Variants in CCSER1 observed in about 807,000 individuals in gnomAD.
CCSER1 encodes the protein coiled-coil serine rich protein 1.
A neutral mutation model predicts 82.0 loss-of-function variants in CCSER1; 41 were observed. The ratio of observed to expected loss-of-function variants is 0.50; its 90% CI spans 0.39 to 0.65. CCSER1 has a LOEUF of 0.65. Ranked by LOEUF, CCSER1 falls within the 30% of genes least tolerant of loss-of-function variation. CCSER1 has a pLI of 0.00. For synonymous variants in CCSER1, 414 were observed against 383.9 expected, an observed-to-expected ratio of 1.08 and a Z score of -0.92; for missense variants, 1,119 against 1,064.2, an observed-to-expected ratio of 1.05 and a Z score of -0.72.
At chr4:91,025,246 A>G (rs1711883658) in intron 9 of CCSER1, among the ~76,000 whole-genome samples, 1 of 152,186 alleles carries the variant, frequency 6.6e-6, no homozygotes, top group Admixed American at 6.5e-5. Flanking sequence ...AGATAGGATA[A>G]TAGTTTTAAA....
intron 5 of CCSER1, among the ~76,000 whole-genome samples, chr4:90,625,988 G>A (rs1348785903): frequency 1.3e-5 from 2 of 152,096 alleles, no homozygotes; most frequent in Non-Finnish European, 2.9e-5. Flanking sequence ...CAGTCCTCAT[G>A]GGTGTTTAGA....
Position 90,460,324 on chromosome 4 carries a change from C to CAAAAAAAAAAAAA in CCSER1, c.1604-7901_1604-7889dup, listed in dbSNP as rs751331396. 9.5e-4 allele frequency among the ~76,000 whole-genome samples: 31 copies of CAAAAAAAAAAAAA among 32,626 alleles called. 1 individual carries two copies. The highest frequency in any genetic ancestry group is 2.5e-3 in the African/African-American group (17 of 6,878). The allele number at this position is 32,626 out of a possible 152,430, so 21.4% of individuals were successfully genotyped here. The stretch of plus-strand genomic sequence containing the variant: ...TGGGCGACAGAGCGAAACTCCGTCT[C>CAAAAAAAAAAAAA]AAAAAAAAAAAAAAAAAAAAACTAA... On this transcript the variant is annotated intron_variant, in intron 4 of 10. Coordinates refer to ENST00000509176, the MANE Select transcript of CCSER1 (RefSeq NM_001145065.2).
intron 10 of CCSER1, among the ~76,000 whole-genome samples, chr4:91,471,969 C>CAAAAAAAAA (rs11313305): frequency 6.8e-5 from 6 of 88,036 alleles, no homozygotes; most frequent in South Asian, 4.0e-4. Context: ...CACTCCATCT[C>CAAAAAAAAA]AAAAAAAAAA....
chr4:90,607,065 A>G (rs1390777569), intron 5 of CCSER1, among the ~76,000 whole-genome samples: 1 of 152,182 alleles, frequency 6.6e-6, no homozygotes, highest in African/African-American at 2.4e-5. Flanking sequence ...GATTAATTCC[A>G]ATTTTGTGGG....
chr4:90,887,301 T>C (rs1722272163), intron 8 of CCSER1, among the ~76,000 whole-genome samples: 1 of 152,094 alleles, frequency 6.6e-6, no homozygotes, highest in Non-Finnish European at 1.5e-5. Flanking sequence ...GAGAGAAAGA[T>C]GCTGTATCTT....
intron 8 of CCSER1, among the ~76,000 whole-genome samples, chr4:90,880,871 T>C (rs1178020788): frequency 6.6e-6 from 1 of 152,048 alleles, no homozygotes; most frequent in Non-Finnish European, 1.5e-5. Flanking sequence ...GCCGTCATCC[T>C]GCCTGGCTTT....
intron 6 of CCSER1, among the ~76,000 whole-genome samples, chr4:90,633,739 C>T (rs983070903): frequency 6.6e-6 from 1 of 151,830 alleles, no homozygotes; most frequent in Non-Finnish European, 1.5e-5. Context: ...TTTGGCTGAG[C>T]TTACCGTTTT....
chr4:91,207,008 G>C (rs1016418750), intron 10 of CCSER1, among the ~76,000 whole-genome samples: 2 of 151,794 alleles, frequency 1.3e-5, no homozygotes, highest in African/African-American at 4.8e-5. Flanking sequence ...AGGAAAATTA[G>C]GTAACTGCAT....
At chr4:90,199,684 CCTT>C (rs1737283359) in intron 1 of CCSER1, among the ~76,000 whole-genome samples, 2 of 152,048 alleles carry the variant, frequency 1.3e-5, no homozygotes, top group Admixed American at 1.3e-4. Flanking sequence ...CTGGTATAAT[CCTT>C]CTTCAGAACC....
intron 10 of CCSER1, among the ~76,000 whole-genome samples, chr4:91,153,344 A>G (rs1232063607): frequency 2.6e-5 from 4 of 151,824 alleles, no homozygotes; most frequent in East Asian, 1.9e-4. Context: ...TTCTCATGCC[A>G]TGGTTTTCAG....
intron 5 of CCSER1, among the ~76,000 whole-genome samples, chr4:90,624,696 A>G (rs149508132): frequency 5.1e-4 from 78 of 152,354 alleles, no homozygotes; most frequent in African/African-American, 1.8e-3. Flanking sequence ...TATAACATTT[A>G]TGGGATTTGC....
intron 10 of CCSER1, among the ~76,000 whole-genome samples, chr4:91,225,170 G>GTA (rs1416470544): frequency 1.2e-5 from 1 of 86,948 alleles, no homozygotes; most frequent in Non-Finnish European, 2.2e-5. Context: ...ATATATGTGT[G>GTA]TGTGTATATA....
chr4:90,574,017 A>G (rs1780410065), intron 5 of CCSER1, among the ~76,000 whole-genome samples: 1 of 151,274 alleles, frequency 6.6e-6, no homozygotes, highest in Non-Finnish European at 1.5e-5. Context: ...AATGAAGGAT[A>G]TTGTTTTTTT....
At chr4:91,243,204 A>G (rs1739504828) in intron 10 of CCSER1, among the ~76,000 whole-genome samples, 1 of 152,190 alleles carries the variant, frequency 6.6e-6, no homozygotes, top group Admixed American at 6.5e-5. Context: ...ACCTGGAGGG[A>G]GCATTTCAAC....
intron 8 of CCSER1, among the ~76,000 whole-genome samples, chr4:90,921,094 C>A (rs2150241978): frequency 6.6e-6 from 1 of 151,862 alleles, no homozygotes; most frequent in South Asian, 2.1e-4. Flanking sequence ...GGTACATTTT[C>A]TGTTTAATTA....
intron 1 of CCSER1, among the ~76,000 whole-genome samples, chr4:90,182,337 T>A (rs1342290731): frequency 1.3e-5 from 2 of 152,148 alleles, no homozygotes; most frequent in African/African-American, 4.8e-5. Context: ...TATGTATGAT[T>A]ATGATGAATG....
intron 9 of CCSER1, among the ~76,000 whole-genome samples, chr4:90,957,491 T>C (rs1006745317): frequency 4.0e-5 from 5 of 123,736 alleles, no homozygotes; most frequent in African/African-American, 1.5e-4. Flanking sequence ...ATTATAATAT[T>C]ATTATATAAT....
intron 10 of CCSER1, among the ~76,000 whole-genome samples, chr4:91,439,999 C>G (rs1019981080): frequency 6.6e-6 from 1 of 151,802 alleles, no homozygotes; most frequent in East Asian, 1.9e-4. Context: ...GACTTAGACT[C>G]CCACGCAATA....
At chr4:90,130,999 T>A (rs907414706) in intron 1 of CCSER1, among the ~76,000 whole-genome samples, 1 of 152,008 alleles carries the variant, frequency 6.6e-6, no homozygotes, top group Non-Finnish European at 1.5e-5. Flanking sequence ...TCTTTTTGTT[T>A]GTTAGTTTGT....
Sources: allele counts gnomAD v4.1 joint callset (sites outside exome capture counted in the v4.1 genomes callset), GRCh38; gene constraint gnomAD v4.1.1; transcripts MANE v1.5; gene names NCBI Gene and HGNC (gene_info 2026-07-23, HGNC 2026-07-21).